The following TNRC6A variants were observed in gnomAD, a reference collection of about 807,000 sequenced individuals.
The protein encoded by TNRC6A is trinucleotide repeat-containing gene 6A protein.
In TNRC6A, 44 loss-of-function variants were observed where a neutral mutation model predicts 221.2. The observed-to-expected ratio is 0.20, with a 90% CI of 0.16 to 0.26. The LOEUF is 0.26. TNRC6A is among the 10% of genes least tolerant of loss of function. The pLI is 1.00. For synonymous variants in TNRC6A, 847 were observed against 838.5 expected, an observed-to-expected ratio of 1.01 and a Z score of -0.18; for missense variants, 2,199 against 2,404.4, an observed-to-expected ratio of 0.91 and a Z score of 1.79.
chr16:24,817,499 T>G (rs1286268088), intron 20 of TNRC6A, among the ~76,000 whole-genome samples: 1 of 152,142 alleles, frequency 6.6e-6, no homozygotes, highest in Non-Finnish European at 1.5e-5. Context: ...AGAGTAAGAA[T>G]AAGACCAATT....
intron 2 of TNRC6A, among the ~76,000 whole-genome samples, chr16:24,713,436 AC>A (rs2056246528): frequency 7.7e-6 from 1 of 130,468 alleles, no homozygotes; most frequent in Admixed American, 8.2e-5. Flanking sequence ...AAACAAACAA[AC>A]AAACAAACAA....
chr16:24,821,739 A>G (rs1382367738), intron 22 of TNRC6A: 3 of 306,204 alleles, frequency 9.8e-6, no homozygotes, highest in South Asian at 4.8e-5. Flanking sequence ...ATCAGACACT[A>G]CTGAAGTCTT....
chr16:24,635,093 TTC>T (rs1168663472), intron 1 of TNRC6A, among the ~76,000 whole-genome samples: 7 of 145,102 alleles, frequency 4.8e-5, no homozygotes, highest in South Asian at 4.4e-4. Context: ...TTTCTTTTCT[TTC>T]TTTCTTTCTT....
chr16:24,741,797 GTC>G (rs140392437), intron 2 of TNRC6A, among the ~76,000 whole-genome samples: 7,617 of 152,196 alleles, frequency 0.05, 291 homozygotes, highest in Middle Eastern at 0.075. Flanking sequence ...TTTGTGCCTA[GTC>G]TCTCATGGCT....
chr16:24,722,049 T>C (rs1483896837), intron 2 of TNRC6A, among the ~76,000 whole-genome samples: 1 of 152,162 alleles, frequency 6.6e-6, no homozygotes, highest in African/African-American at 2.4e-5. Context: ...GAATTTTCTG[T>C]AGTGATAAAA....
chr16:24,783,808 A>G (rs551986984), intron 5 of TNRC6A, among the ~76,000 whole-genome samples: 53 of 152,202 alleles, frequency 3.5e-4, no homozygotes, highest in African/African-American at 1.3e-3. Flanking sequence ...ATGTTCCTCT[A>G]TGTTTATCTT....
intron 2 of TNRC6A, among the ~76,000 whole-genome samples, chr16:24,692,899 G>A (rs2055784207): frequency 6.6e-6 from 1 of 152,068 alleles, no homozygotes; most frequent in African/African-American, 2.4e-5. Flanking sequence ...AGTTCCTGTA[G>A]GCACTAGACA....
At chr16:24,695,464 A>G (rs1055416048) in intron 2 of TNRC6A, among the ~76,000 whole-genome samples, 1 of 152,064 alleles carries the variant, frequency 6.6e-6, no homozygotes, top group African/African-American at 2.4e-5. Flanking sequence ...CAGTGGCGCA[A>G]TCTTGGCTCA....
At chr16:24,698,277 C>T (rs570101938) in intron 2 of TNRC6A, among the ~76,000 whole-genome samples, 32 of 152,102 alleles carry the variant, frequency 2.1e-4, no homozygotes, top group Non-Finnish European at 3.8e-4. Context: ...GTGGAAGAAG[C>T]GGTGGTTTGG....
At chr16:24,770,365 G>A (rs1157488201) in intron 4 of TNRC6A, among the ~76,000 whole-genome samples, 1 of 152,088 alleles carries the variant, frequency 6.6e-6, no homozygotes, top group Non-Finnish European at 1.5e-5. Flanking sequence ...GATAGATTTC[G>A]GGATGCGTGA....
At chr16:24,638,770 G>A (rs898936414) in intron 1 of TNRC6A, among the ~76,000 whole-genome samples, 1 of 151,882 alleles carries the variant, frequency 6.6e-6, no homozygotes, top group African/African-American at 2.4e-5. Flanking sequence ...ATCTCTAAAT[G>A]GTGTTGTATT....
chr16:24,649,829 T>TG (rs1377061613), intron 2 of TNRC6A, among the ~76,000 whole-genome samples: 1 of 139,872 alleles, frequency 7.1e-6, no homozygotes, highest in Non-Finnish European at 1.5e-5. Context: ...TTTTTTTTTT[T>TG]TTTTTTTTTT....
At chr16:24,706,055 C>T (rs1298931993) in intron 2 of TNRC6A, among the ~76,000 whole-genome samples, 1 of 152,050 alleles carries the variant, frequency 6.6e-6, no homozygotes, top group Non-Finnish European at 1.5e-5. Context: ...AGCTAGGAAA[C>T]AAAATGGAAG....
chr16:24,778,226 A>G (rs916621724), intron 5 of TNRC6A: 13 of 936,572 alleles, frequency 1.4e-5, no homozygotes, highest in Non-Finnish European at 1.7e-5. Context: ...TAATTGCTCT[A>G]TGTGCCTGAG....
rs370122273 is a variant in TNRC6A, at chr16:24,691,683, A to T, written n.402+50674A>T. Among the ~76,000 whole-genome samples, 3 of 152,090 alleles carry T rather than the reference A, an allele frequency of 2.0e-5. No individual in the cohort carries two copies. The East Asian group carries it at 5.8e-4, about 30-fold the overall frequency. ...CTCAGGAGGCTGAGGTGGGAGGATCACTTGAACCCGGGAGGCAGAAGTTGC... is the reference window on the plus strand; with the variant it reads ...CTCAGGAGGCTGAGGTGGGAGGATCTCTTGAACCCGGGAGGCAGAAGTTGC... On this transcript the variant is annotated intron_variant and non_coding_transcript_variant, in intron 2 of 2. Coordinates refer to the TNRC6A transcript ENST00000566108.
At chr16:24,789,151 T>G in intron 5 of TNRC6A, 81 bp from the exon 6 acceptor site, 2 of 1,339,710 alleles carry the variant, frequency 1.5e-6, no homozygotes, top group Non-Finnish European at 2.0e-6. Context: ...TTATAACATA[T>G]TCGTCATTTT....
chr16:24,780,862 A>G (rs1423590056), intron 5 of TNRC6A, among the ~76,000 whole-genome samples: 1 of 151,992 alleles, frequency 6.6e-6, no homozygotes, highest in Admixed American at 6.6e-5. Context: ...GGAGATATTT[A>G]AAGGTTAAAA....
intron 2 of TNRC6A, among the ~76,000 whole-genome samples, chr16:24,687,268 T>C (rs756296568): frequency 1.7e-4 from 26 of 152,164 alleles, no homozygotes; most frequent in Non-Finnish European, 3.5e-4. Flanking sequence ...TGAGTGATGT[T>C]AGAGATCATG....
chr16:24,666,658 A>ATATATAT (rs1167079415), intron 2 of TNRC6A, among the ~76,000 whole-genome samples: 1 of 123,298 alleles, frequency 8.1e-6, no homozygotes, highest in Non-Finnish European at 1.6e-5. Context: ...AAAAAAAAAA[A>ATATATAT]AAAAAAAAAA....
Sources: allele counts gnomAD v4.1 joint callset (sites outside exome capture counted in the v4.1 genomes callset), GRCh38; gene constraint gnomAD v4.1.1; transcripts MANE v1.5; gene names NCBI Gene and HGNC (gene_info 2026-07-23, HGNC 2026-07-21).